Variants in DDX10 observed in about 807,000 individuals in gnomAD.
DDX10 encodes the protein probable ATP-dependent RNA helicase DDX10.
A neutral mutation model predicts 104.3 loss-of-function variants in DDX10; 74 were observed. The ratio of observed to expected loss-of-function variants is 0.71; its 90% CI spans 0.59 to 0.86. DDX10 has a LOEUF of 0.86. Ranked by LOEUF, DDX10 falls within the 40% of genes least tolerant of loss-of-function variation. The pLI is 0.00. For missense variants in DDX10, 952 were observed against 1,040.0 expected, an observed-to-expected ratio of 0.92 and a Z score of 1.16; for synonymous variants, 351 against 353.4, an observed-to-expected ratio of 0.99 and a Z score of 0.08.
chr11:108,837,963 C>T (rs914354672), intron 13 of DDX10, among the ~76,000 whole-genome samples: 4 of 151,940 alleles, frequency 2.6e-5, no homozygotes, highest in Non-Finnish European at 4.4e-5. Context: ...TACTGTGTTC[C>T]TATGGTAAAT....
chr11:108,864,565 C>T (rs1348182873), intron 16 of DDX10, among the ~76,000 whole-genome samples: 1 of 152,074 alleles, frequency 6.6e-6, no homozygotes, highest in Non-Finnish European at 1.5e-5. Context: ...CTTGACTTCC[C>T]AGTCCTCAAG....
intron 8 of DDX10, among the ~76,000 whole-genome samples, chr11:108,693,202 A>G (rs1339288463): frequency 1.3e-4 from 20 of 152,190 alleles, no homozygotes; most frequent in Admixed American, 1.3e-3. Flanking sequence ...TGTCCCCATT[A>G]GAAGTGGTGC....
chr11:108,793,120 C>G (rs1428089233), intron 13 of DDX10, among the ~76,000 whole-genome samples: 1 of 152,150 alleles, frequency 6.6e-6, no homozygotes, highest in African/African-American at 2.4e-5. Flanking sequence ...AGCAAGGGGT[C>G]TAGAGGGACT....
At chr11:108,672,307 T>C (rs1159295423) in intron 1 of DDX10, among the ~76,000 whole-genome samples, 1 of 152,144 alleles carries the variant, frequency 6.6e-6, no homozygotes, top group African/African-American at 2.4e-5. Context: ...TTCCATTCCC[T>C]TTGAAAACAG....
intron 3 of DDX10, 126 bp downstream of exon 3, chr11:108,675,852 CT>C: frequency 8.1e-7 from 1 of 1,229,946 alleles, no homozygotes; most frequent in Non-Finnish European, 1.1e-6. Context: ...AGAATGCGAG[CT>C]TCATCAAACA....
At chr11:108,852,865 A>G (rs540338484) in intron 16 of DDX10, among the ~76,000 whole-genome samples, 11 of 152,282 alleles carry the variant, frequency 7.2e-5, no homozygotes, top group Non-Finnish European at 1.3e-4. Flanking sequence ...CTAGGGCCCA[A>G]TAACATATGT....
chr11:108,852,628 G>A (rs1862810336), intron 16 of DDX10, among the ~76,000 whole-genome samples: 1 of 152,210 alleles, frequency 6.6e-6, no homozygotes, highest in Non-Finnish European at 1.5e-5. Context: ...GAAAGCATCA[G>A]TTCAGCTCTT....
intron 17 of DDX10, chr11:108,919,551 T>C (rs953388678): frequency 4.6e-5 from 7 of 152,230 alleles, no homozygotes; most frequent in African/African-American, 2.4e-5. Flanking sequence ...GTAGATGTGA[T>C]TTAATGTAAC....
chr11:108,736,779 A>G (rs2094318962), intron 13 of DDX10, among the ~76,000 whole-genome samples: 1 of 152,128 alleles, frequency 6.6e-6, no homozygotes, highest in Non-Finnish European at 1.5e-5. Flanking sequence ...CTGGTCTTGG[A>G]CTTCCCAGCC....
In DDX10 at chr11:108,668,916, A is replaced by G. The variant is rs533121567; in HGVS notation, c.186+3577A>G. On this transcript the variant is annotated intron_variant, in intron 1 of 17. Transcript: ENST00000322536. ...TACTGAGCTCCTTCTGGTCAGATGC[A>G]TTACAAAAAACATGCTTCTTCTGGG... 8.0e-4 allele frequency among the ~76,000 whole-genome samples: 122 copies of G among 152,272 alleles called. 1 individual carries two copies. Among genetic ancestry groups the G allele is most frequent in the Middle Eastern group, 6.8e-3 (2 of 294 alleles).
intron 17 of DDX10, among the ~76,000 whole-genome samples, chr11:108,931,708 T>C (rs561197388): frequency 7.2e-5 from 11 of 152,312 alleles, no homozygotes; most frequent in African/African-American, 2.4e-4. Context: ...CCAGGCACCA[T>C]GAACTAGATG....
rs142937082 is a variant in DDX10 at position 108,677,451 on chromosome 11, G to T, written c.537+208G>T. On this transcript the variant is annotated intron_variant, in intron 4 of 17. Coordinates refer to ENST00000322536, the MANE Select transcript of DDX10 (RefSeq NM_004398.4). Reference sequence around the variant, plus strand: ...AGAAAGTCCATTTTTTTTTGTCGGGGAATCTGAATTGATTAGCCTCTCTAA... The same window carrying T: ...AGAAAGTCCATTTTTTTTTGTCGGGTAATCTGAATTGATTAGCCTCTCTAA... Among the ~76,000 whole-genome samples, 477 of 151,912 alleles carry T rather than the reference G, an allele frequency of 3.1e-3. 2 individuals carry two copies. The highest frequency in any genetic ancestry group is 6.8e-3 in the Middle Eastern group (2 of 292).
chr11:108,895,869 C>T (rs1233306709), intron 16 of DDX10, among the ~76,000 whole-genome samples: 1 of 152,042 alleles, frequency 6.6e-6, no homozygotes, highest in Non-Finnish European at 1.5e-5. Context: ...CAGCCTGCTG[C>T]CCAGAATACT....
intron 6 of DDX10, among the ~76,000 whole-genome samples, chr11:108,688,023 C>G (rs114325625): frequency 0.013 from 1,943 of 152,282 alleles, 45 homozygotes; most frequent in African/African-American, 0.044. Context: ...CTAGACATCA[C>G]TCCTCAGCAA....
chr11:108,850,575 G>A (rs1862777580), intron 15 of DDX10, among the ~76,000 whole-genome samples: 1 of 151,984 alleles, frequency 6.6e-6, no homozygotes, highest in Non-Finnish European at 1.5e-5. Flanking sequence ...ACAGAAGACT[G>A]GCAAAATTAA....
At chr11:108,892,310 A>G (rs2726898) in intron 16 of DDX10, among the ~76,000 whole-genome samples, 150,963 of 152,240 alleles carry the variant, frequency 0.99, 74,871 homozygotes, top group Middle Eastern at 1. Flanking sequence ...CTTACCATGT[A>G]ATCTCTGCAC....
chr11:108,858,393 T>A (rs561333459), intron 16 of DDX10, among the ~76,000 whole-genome samples: 3 of 152,334 alleles, frequency 2.0e-5, no homozygotes, highest in Admixed American at 2.0e-4. Context: ...CTGTAGATAT[T>A]TGAATCAGTG....
At position 108,938,030 on chromosome 11, in the gene DDX10, G is replaced by T. The variant is rs185383833; in HGVS notation, c.2451-2216G>T. Among the ~76,000 whole-genome samples, 207 of 152,312 alleles carry T rather than the reference G, an allele frequency of 1.4e-3. 1 individual carries two copies. Among genetic ancestry groups the T allele is most frequent in the African/African-American group, 4.8e-3 (199 of 41,572 alleles). ...CCAATTTTGAAGGAACCCCCTCATT[G>T]TCAGTCATCTCAGGGACCTCCTTAC... On this transcript the variant is annotated intron_variant, in intron 17 of 17. Coordinates refer to ENST00000322536, the MANE Select transcript of DDX10 (RefSeq NM_004398.4).
chr11:108,887,356 A>T (rs1037362429), intron 16 of DDX10, among the ~76,000 whole-genome samples: 1 of 152,060 alleles, frequency 6.6e-6, no homozygotes, highest in Non-Finnish European at 1.5e-5. Flanking sequence ...TTTTTTAAAA[A>T]ACCTTAGAAA....
Sources: allele counts gnomAD v4.1 joint callset (sites outside exome capture counted in the v4.1 genomes callset), GRCh38; gene constraint gnomAD v4.1.1; transcripts MANE v1.5; gene names NCBI Gene and HGNC (gene_info 2026-07-23, HGNC 2026-07-21).